The following ANO4 variants were observed in gnomAD, a reference collection of about 807,000 sequenced individuals.
ANO4 encodes anoctamin-4.
In ANO4, 69 loss-of-function variants were observed where a neutral mutation model predicts 141.9. The ratio of observed to expected loss-of-function variants is 0.49; its 90% CI spans 0.40 to 0.59. The LOEUF is 0.59. Ranked by LOEUF, ANO4 falls within the 20% of genes least tolerant of loss-of-function variation. The pLI, the probability that ANO4 is intolerant of heterozygous loss-of-function variation, is 0.00. For missense variants in ANO4, 894 were observed against 1,162.2 expected, an observed-to-expected ratio of 0.77 and a Z score of 3.36; for synonymous variants, 350 against 394.3, an observed-to-expected ratio of 0.89 and a Z score of 1.33.
chr12:100,991,021 G>T (rs1566098447), intron 8 of ANO4, among the ~76,000 whole-genome samples: 1 of 152,250 alleles, frequency 6.6e-6, no homozygotes, highest in South Asian at 2.1e-4. Flanking sequence ...GGAAGAAAAA[G>T]CAGAGGACAG....
rs550823166 is a variant in ANO4 at position 100,826,156 on chromosome 12, T to C, written c.-141+31129T>C. Among the ~76,000 whole-genome samples, 13 of 152,118 alleles carry C rather than the reference T, an allele frequency of 8.5e-5. No homozygotes were observed. The South Asian group carries it at 2.7e-3, about 32-fold the overall frequency. On this transcript the variant is annotated intron_variant, in intron 1 of 27. Coordinates refer to ENST00000392977, the MANE Select transcript of ANO4 (RefSeq NM_001286615.2). ...TAGATTAGTGGGAAAGGAGCAATATTTATAAGCAAAAGACAGTGTAACAGA... is the reference window on the plus strand; with the variant it reads ...TAGATTAGTGGGAAAGGAGCAATATCTATAAGCAAAAGACAGTGTAACAGA...
intron 3 of ANO4, among the ~76,000 whole-genome samples, chr12:100,927,967 C>T (rs945951300): frequency 5.3e-5 from 8 of 152,082 alleles, no homozygotes; most frequent in African/African-American, 1.7e-4. Context: ...TCTGTTTGTG[C>T]TTGCACGTGT....
At chr12:100,955,789 A>AT (rs2043151906) in intron 5 of ANO4, among the ~76,000 whole-genome samples, 1 of 152,236 alleles carries the variant, frequency 6.6e-6, no homozygotes, top group South Asian at 2.1e-4. Flanking sequence ...CCTGGGACTT[A>AT]AAGGATGATT....
At chr12:101,119,962 C>T (rs3847935) in intron 25 of ANO4, among the ~76,000 whole-genome samples, 33,353 of 152,082 alleles carry the variant, frequency 0.22, 3,884 homozygotes, top group African/African-American at 0.28. Flanking sequence ...AGGAAGGACT[C>T]TTCTAGTGGC....
At chr12:100,769,056 A>T (rs1199040442) in intron 3 of ANO4, among the ~76,000 whole-genome samples, 1 of 152,242 alleles carries the variant, frequency 6.6e-6, no homozygotes, top group Non-Finnish European at 1.5e-5. Context: ...AAACCAGGAA[A>T]CAACCAAAAT....
intron 2 of ANO4, among the ~76,000 whole-genome samples, chr12:100,736,249 G>C (rs2031608723): frequency 6.6e-6 from 1 of 152,166 alleles, no homozygotes; most frequent in Non-Finnish European, 1.5e-5. Flanking sequence ...GGGGTAGATA[G>C]TGTGAGGATG....
chr12:100,977,902 G>A (rs78312500), intron 7 of ANO4, among the ~76,000 whole-genome samples: 3,016 of 152,196 alleles, frequency 0.02, 93 homozygotes, highest in African/African-American at 0.066. Flanking sequence ...TGAGCTCATC[G>A]TTTCCAAACA....
intron 3 of ANO4, among the ~76,000 whole-genome samples, chr12:100,759,975 A>G (rs2032784307): frequency 6.6e-6 from 1 of 152,230 alleles, no homozygotes; most frequent in African/African-American, 2.4e-5. Context: ...TGACAAGAAC[A>G]CACATACCCA....
At chr12:101,003,127 G>C (rs2045722205) in intron 8 of ANO4, among the ~76,000 whole-genome samples, 1 of 152,232 alleles carries the variant, frequency 6.6e-6, no homozygotes, top group South Asian at 2.1e-4. Context: ...ATCATTGTTA[G>C]GTTAGAGACT....
At chr12:100,903,069 AAAT>A (rs1244050232) in intron 2 of ANO4, among the ~76,000 whole-genome samples, 3 of 152,292 alleles carry the variant, frequency 2.0e-5, no homozygotes, top group East Asian at 3.9e-4. Flanking sequence ...AAACTTCTGA[AAAT>A]AATAATTTAC....
At chr12:101,006,471 G>A (rs1348918205) in intron 8 of ANO4, among the ~76,000 whole-genome samples, 1 of 152,158 alleles carries the variant, frequency 6.6e-6, no homozygotes, top group Non-Finnish European at 1.5e-5. Flanking sequence ...TCCTAAAGTA[G>A]GTACTTCCTC....
At chr12:100,770,764 A>T (rs1245505509) in intron 3 of ANO4, among the ~76,000 whole-genome samples, 1 of 150,818 alleles carries the variant, frequency 6.6e-6, no homozygotes, top group Non-Finnish European at 1.5e-5. Flanking sequence ...AACAGAGTGG[A>T]AGAGGCCTTG....
At chr12:101,019,567 T>G (rs1221074911) in intron 8 of ANO4, among the ~76,000 whole-genome samples, 1 of 152,154 alleles carries the variant, frequency 6.6e-6, no homozygotes, top group Non-Finnish European at 1.5e-5. Flanking sequence ...ACCTCACCTG[T>G]GAGCCAGACC....
intron 14 of ANO4, among the ~76,000 whole-genome samples, chr12:101,054,280 A>G (rs1196816746): frequency 6.6e-6 from 1 of 152,222 alleles, no homozygotes; most frequent in African/African-American, 2.4e-5. Context: ...CAAGTAAAAC[A>G]CGATTTTGAG....
At chr12:100,783,238 G>A (rs2033763349) in intron 3 of ANO4, among the ~76,000 whole-genome samples, 1 of 152,142 alleles carries the variant, frequency 6.6e-6, no homozygotes, top group Admixed American at 6.5e-5. Flanking sequence ...CACTTCAGAG[G>A]ATCCCCAGCA....
At chr12:100,873,568 G>A (rs2039138406) in intron 1 of ANO4, among the ~76,000 whole-genome samples, 1 of 152,178 alleles carries the variant, frequency 6.6e-6, no homozygotes, top group Non-Finnish European at 1.5e-5. Flanking sequence ...TCTGGTTAAA[G>A]AAATGTCTAA....
At chr12:100,806,881 GA>G (rs1413903884) in intron 1 of ANO4, among the ~76,000 whole-genome samples, 3 of 151,662 alleles carry the variant, frequency 2.0e-5, no homozygotes, top group South Asian at 2.1e-4. Context: ...ATTTCCTTAT[GA>G]TTTTTTTTAC....
chr12:100,864,629 C>G (rs143541554), intron 1 of ANO4, among the ~76,000 whole-genome samples: 1 of 152,224 alleles, frequency 6.6e-6, no homozygotes, highest in East Asian at 1.9e-4. Flanking sequence ...CTGCTTTTGC[C>G]TCAAGGAGCT....
At chr12:101,104,662 T>TATATATATAA (rs200430976) in intron 22 of ANO4, among the ~76,000 whole-genome samples, 1 of 61,446 alleles carries the variant, frequency 1.6e-5, no homozygotes, top group Non-Finnish European at 2.9e-5. Flanking sequence ...TATATATATA[T>TATATATATAA]ATATATATAA....
Sources: allele counts gnomAD v4.1 joint callset (sites outside exome capture counted in the v4.1 genomes callset), GRCh38; gene constraint gnomAD v4.1.1; transcripts MANE v1.5; gene names NCBI Gene and HGNC (gene_info 2026-07-23, HGNC 2026-07-21).